Variants in CDC25B observed in about 807,000 individuals in gnomAD.
The protein encoded by CDC25B is cell division cycle 25B, also known as M-phase inducer phosphatase 2.
In CDC25B, 33 loss-of-function variants were observed where a neutral mutation model predicts 69.8. The ratio of observed to expected loss-of-function variants is 0.47; its 90% CI spans 0.36 to 0.63. The LOEUF is 0.63. Among genes scored for constraint, CDC25B ranks in the 30% least tolerant of loss-of-function variants. The probability of loss-of-function intolerance (pLI) is 0.00; values close to 1 mark genes in which losing one functional copy is unlikely to be tolerated. For synonymous variants in CDC25B, 341 were observed against 314.6 expected, an observed-to-expected ratio of 1.08 and a Z score of -0.89; for missense variants, 727 against 809.1, an observed-to-expected ratio of 0.90 and a Z score of 1.23.
At chr20:3,790,294 A>G (rs370483062) in intron 1 of CDC25B, among the ~76,000 whole-genome samples, 2 of 151,732 alleles carry the variant, frequency 1.3e-5, no homozygotes, top group African/African-American at 4.8e-5. Flanking sequence ...TTATTAAGAT[A>G]TATTTCAAGA....
At chr20:3,792,268 C>G (rs1373328198), upstream of CDC25B, among the ~76,000 whole-genome samples, 1 of 151,262 alleles carries the variant, frequency 6.6e-6, no homozygotes, top group Non-Finnish European at 1.5e-5. Flanking sequence ...CGGATTTACG[C>G]TTGTAAAGAT....
chr20:3,804,224 G>A (rs530721693), intron 14 of CDC25B, among the ~76,000 whole-genome samples: 1 of 152,294 alleles, frequency 6.6e-6, no homozygotes, highest in African/African-American at 2.4e-5. Context: ...TCCTCACCAG[G>A]TCTTGTCCAG....
At chr20:3,789,543 G>A (rs908432082) in intron 1 of CDC25B, among the ~76,000 whole-genome samples, 20 of 151,942 alleles carry the variant, frequency 1.3e-4, no homozygotes, top group African/African-American at 4.4e-4. Context: ...GCTTAGTTTT[G>A]TATTTTTAGT....
chr20:3,789,988 CA>C (rs58844468), intron 1 of CDC25B, among the ~76,000 whole-genome samples: 356 of 135,530 alleles, frequency 2.6e-3, no homozygotes, highest in Middle Eastern at 3.8e-3. Context: ...GACTCTGTCT[CA>C]AAAAAAAAAA....
At chr20:3,795,415 G>A (rs2089003476), upstream of CDC25B, among the ~76,000 whole-genome samples, 1 of 151,986 alleles carries the variant, frequency 6.6e-6, no homozygotes, top group South Asian at 2.1e-4. Flanking sequence ...CGCTTAAAAC[G>A]AATGACAAAT....
At chr20:3,791,906 T>C (rs1230713044), upstream of CDC25B, among the ~76,000 whole-genome samples, 1 of 152,204 alleles carries the variant, frequency 6.6e-6, no homozygotes, top group Non-Finnish European at 1.5e-5. Context: ...ACAGTGGTTT[T>C]TATTTTTATT....
At position 3,801,794 on chromosome 20, in the gene CDC25B, G is replaced by A. The variant is rs2089291915; in HGVS notation, c.913G>A (p.Glu305Lys). 1 of 1,604,620 alleles carries A rather than the reference G, an allele frequency of 6.2e-7. No individual in the cohort carries two copies. Among genetic ancestry groups the A allele is most frequent in the Non-Finnish European group, 8.5e-7 (1 of 1,175,962 alleles). ...ACTGGTCAAGACCTTGGAAAAGGAA[G>A]AGGAAAAGGTGGGCCTCTGGGGTGG... ...APLVKTLEKE[E>K]EKDLVMYSKC... Residue 305 changes from glutamate (E) to lysine (K), a missense_variant, in exon 9 of 16, where the codon GAG becomes AAG. Coordinates refer to ENST00000245960, the MANE Select transcript of CDC25B (RefSeq NM_021873.4).
At chr20:3,800,519 A>AC (rs766161444) in intron 5 of CDC25B, 21 bp downstream of exon 5, 11 of 1,613,668 alleles carry the variant, frequency 6.8e-6, no homozygotes, top group Non-Finnish European at 9.3e-6. Flanking sequence ...TCGAGGCCTG[A>AC]CTGAGGCTTA....
intron 2 of CDC25B, 76 bp downstream of exon 2, chr20:3,797,825 C>T: frequency 6.4e-7 from 1 of 1,561,124 alleles, no homozygotes; most frequent in Non-Finnish European, 8.7e-7. Flanking sequence ...CTCCCAATTT[C>T]CCTGCCGATC....
intron 1 of CDC25B, among the ~76,000 whole-genome samples, chr20:3,787,712 T>C (rs555203439): frequency 1.3e-5 from 2 of 152,228 alleles, no homozygotes; most frequent in South Asian, 4.1e-4. Context: ...AACTCCAGCA[T>C]TGGCAGAGGG....
At chr20:3,787,030 G>GT (rs747272595) in exon 1 of CDC25B, 34,929 of 427,880 alleles carry the variant, frequency 0.082, 19 homozygotes, top group South Asian at 0.11. Flanking sequence ...GTTTTTGTTT[G>GT]TTTTTTTTTT....
intron 3 of CDC25B, 123 bp downstream of exon 3, chr20:3,798,586 TCCCCATGGCCGGGG>T: frequency 1.6e-6 from 1 of 638,448 alleles, no homozygotes; most frequent in Non-Finnish European, 2.6e-6. Flanking sequence ...GGCTTCAGGA[TCCCCATGGCCGGGG>T]GGCTCACTGA....
At chr20:3,795,757 G>A (rs948780252), upstream of CDC25B, 24 of 985,540 alleles carry the variant, frequency 2.4e-5, no homozygotes, top group African/African-American at 4.0e-4. Context: ...GCTCAGCGCA[G>A]CCAGTCGCGG....
upstream of CDC25B, among the ~76,000 whole-genome samples, chr20:3,794,930 C>T (rs902435414): frequency 2.6e-5 from 4 of 152,196 alleles, no homozygotes; most frequent in African/African-American, 9.7e-5. Flanking sequence ...CACCACCACC[C>T]GCCCAGCCAG....
intron 3 of CDC25B, 57 bp downstream of exon 3, chr20:3,798,520 C>T: frequency 7.3e-7 from 1 of 1,361,198 alleles, no homozygotes; most frequent in Non-Finnish European, 1.0e-6. Flanking sequence ...TTTAAGAATC[C>T]TAGTTCTACC....
At chr20:3,799,692 A>G (rs894149175) in intron 3 of CDC25B, among the ~76,000 whole-genome samples, 1 of 152,042 alleles carries the variant, frequency 6.6e-6, no homozygotes, top group Admixed American at 6.6e-5. Context: ...GGAAAATTCC[A>G]TAGGAGGGAG....
rs11570015 is a variant in CDC25B at position 3,803,433 on chromosome 20, C to T, written c.1386C>T (p.Asp462=). Reference sequence around the variant, plus strand: ...CGGTGAACTTGCCCCTGGAACGCGACGCCGAGAGCTTCCTACTGAAGAGCC... The same window carrying T: ...CGGTGAACTTGCCCCTGGAACGCGATGCCGAGAGCTTCCTACTGAAGAGCC... ...KTAVNLPLER[D]AESFLLKSPI... is the part of the protein sequence containing the mutation. Residue 462 remains aspartate, a synonymous_variant, in exon 14 of 16, where the codon GAC becomes GAT. Coordinates refer to ENST00000245960, the MANE Select transcript of CDC25B (RefSeq NM_021873.4). This position sits in a 1 kb window ranked among gnomAD's most constrained non-coding sequence, Gnocchi z 4.9. The T allele has an allele frequency of 6.8e-4, 1,098 of 1,614,142 alleles. 18 individuals are homozygous for T. The South Asian group carries it at 0.011, about 15-fold the overall frequency.
upstream of CDC25B, among the ~76,000 whole-genome samples, chr20:3,793,548 GTT>G (rs200570744): frequency 2.4e-5 from 3 of 126,400 alleles, no homozygotes; most frequent in Admixed American, 7.7e-5. Context: ...TGGGATTTCT[GTT>G]TTTTTTTTTT....
At position 3,804,763 on chromosome 20, in the gene CDC25B, T is replaced by C. The variant is rs1356555648; in HGVS notation, c.1603-58T>C. 5 of 1,552,104 alleles carry C rather than the reference T, an allele frequency of 3.2e-6. No homozygotes were observed. The African/African-American group carries it at 5.5e-5, about 17-fold the overall frequency. ...AGCCATGGGATGGGGGGTGGGAGGGTTGGGTCCCTGCCAAACTTACCCATT... is the reference window on the plus strand; with the variant it reads ...AGCCATGGGATGGGGGGTGGGAGGGCTGGGTCCCTGCCAAACTTACCCATT... On this transcript the variant is annotated intron_variant, in intron 15 of 15. Coordinates refer to ENST00000245960, the MANE Select transcript of CDC25B (RefSeq NM_021873.4).
Sources: gnomAD v4.1 joint callset for allele counts (sites outside exome capture counted in the v4.1 genomes callset) on GRCh38, gnomAD v4.1.1 for gene constraint, Gnocchi (gnomAD v3.1) non-coding constraint, MANE v1.5 for transcripts, NCBI Gene and HGNC (gene_info 2026-07-23, HGNC 2026-07-21) for gene names.